OXR1: variants seen among roughly 807,000 people sequenced by gnomAD.
The protein encoded by OXR1 is oxidation resistance 1, also known as oxidation resistance protein 1.
A neutral mutation model predicts 104.6 loss-of-function variants in OXR1; 41 were observed. The observed-to-expected ratio is 0.39, with a 90% CI of 0.31 to 0.51. OXR1 has a LOEUF of 0.51. OXR1 is among the 20% of genes least tolerant of loss of function. The pLI, the probability that OXR1 is intolerant of heterozygous loss-of-function variation, is 0.77. For synonymous variants in OXR1, 348 were observed against 348.4 expected (o/e 1.00, Z 0.01); for missense variants, 955 against 1,031.9 (o/e 0.93, Z 1.02).
chr8:106,715,301 G>A (rs1832124063), intron 11 of OXR1, among the ~76,000 whole-genome samples: 1 of 151,570 alleles, frequency 6.6e-6, no homozygotes, highest in Admixed American at 6.6e-5. Context: ...GGCTGTGACA[G>A]GGTGGCTCAG....
chr8:106,645,415 T>A (rs1823995673), intron 3 of OXR1, among the ~76,000 whole-genome samples: 1 of 152,184 alleles, frequency 6.6e-6, no homozygotes, highest in African/African-American at 2.4e-5. Flanking sequence ...CCTGCTTCTC[T>A]CTTGAGAGGC....
At chr8:106,629,189 A>T (rs543285582) in intron 3 of OXR1, among the ~76,000 whole-genome samples, 2 of 152,192 alleles carry the variant, frequency 1.3e-5, no homozygotes, top group Admixed American at 6.5e-5. Flanking sequence ...TAACATTTAA[A>T]TTTTTTTAAA....
intron 3 of OXR1, among the ~76,000 whole-genome samples, chr8:106,622,182 C>G (rs1821758866): frequency 6.6e-6 from 1 of 152,142 alleles, no homozygotes; most frequent in Admixed American, 6.5e-5. Flanking sequence ...CCTGTTGGCT[C>G]TCTTCTCAGA....
At chr8:106,387,725 G>A (rs1817433596) in intron 2 of OXR1, among the ~76,000 whole-genome samples, 1 of 152,084 alleles carries the variant, frequency 6.6e-6, no homozygotes, top group Non-Finnish European at 1.5e-5. Context: ...GATCATTGGA[G>A]GACACATGGT....
chr8:106,571,485 C>T (rs1337581187), intron 3 of OXR1, among the ~76,000 whole-genome samples: 40 of 152,232 alleles, frequency 2.6e-4, no homozygotes, highest in African/African-American at 9.6e-4. Flanking sequence ...GCCCTGGGAG[C>T]TAGGGCTTCA....
intron 2 of OXR1, among the ~76,000 whole-genome samples, chr8:106,363,225 T>G (rs1395808852): frequency 1.3e-5 from 2 of 152,202 alleles, no homozygotes; most frequent in African/African-American, 4.8e-5. Flanking sequence ...GACTGCTCTT[T>G]TTGGAGCTCA....
At chr8:106,440,448 T>G (rs975168720) in intron 2 of OXR1, among the ~76,000 whole-genome samples, 4 of 152,144 alleles carry the variant, frequency 2.6e-5, no homozygotes, top group African/African-American at 4.8e-5. Flanking sequence ...ATATGGTATA[T>G]TATTACATGG....
chr8:106,479,907 A>G (rs1034843090), intron 2 of OXR1, among the ~76,000 whole-genome samples: 1 of 152,048 alleles, frequency 6.6e-6, no homozygotes, highest in African/African-American at 2.4e-5. Flanking sequence ...GAAAGACTTT[A>G]CTGGAATGTA....
chr8:106,494,053 A>G (rs1216897641), intron 2 of OXR1, among the ~76,000 whole-genome samples: 1 of 152,200 alleles, frequency 6.6e-6, no homozygotes, highest in East Asian at 1.9e-4. Context: ...GAAAGAGTTT[A>G]AATCTCTGAA....
At chr8:106,720,744 G>GT in intron 11 of OXR1, 1 of 948,962 alleles carries the variant, frequency 1.1e-6, no homozygotes, top group Non-Finnish European at 1.3e-6. Context: ...ATACCAGGCT[G>GT]TAAGTCAATG....
chr8:106,343,664 C>T (rs1304796657), intron 1 of OXR1, among the ~76,000 whole-genome samples: 1 of 152,192 alleles, frequency 6.6e-6, no homozygotes, highest in Non-Finnish European at 1.5e-5. Context: ...GTTGATTGGC[C>T]TGTATCCAAG....
At chr8:106,429,514 G>A (rs1819272391) in intron 2 of OXR1, among the ~76,000 whole-genome samples, 1 of 151,954 alleles carries the variant, frequency 6.6e-6, no homozygotes, top group African/African-American at 2.4e-5. Flanking sequence ...ACAAAAATTA[G>A]CCAGGCATGG....
At chr8:106,292,071 G>T (rs1231598613) in intron 1 of OXR1, among the ~76,000 whole-genome samples, 1 of 152,022 alleles carries the variant, frequency 6.6e-6, no homozygotes, top group African/African-American at 2.4e-5. Flanking sequence ...GCCCAACTGG[G>T]GTGTGAATCA....
At position 106,526,575 on chromosome 8, in the gene OXR1, C is replaced by T. The variant is rs369643834; in HGVS notation, c.220+7436C>T. Among the ~76,000 whole-genome samples the T allele has an allele frequency of 3.9e-5, 6 of 152,350 alleles. No individual in the cohort carries two copies. In the South Asian group the frequency reaches 1.2e-3, roughly 32 times the overall value. On this transcript the variant is annotated intron_variant, in intron 3 of 16. Coordinates refer to ENST00000517566, the MANE Select transcript of OXR1 (RefSeq NM_001198533.2). ...GTTTGTTTTTTGAGACGGAGTCTCG[C>T]TCTGTCGCCCAGGCTGGAGTGCAGT...
At chr8:106,424,038 G>A (rs572994580) in intron 2 of OXR1, among the ~76,000 whole-genome samples, 169 of 152,220 alleles carry the variant, frequency 1.1e-3, no homozygotes, top group Middle Eastern at 6.8e-3. Context: ...CCGAGTTCAC[G>A]TGATTCTTCT....
intron 3 of OXR1, among the ~76,000 whole-genome samples, chr8:106,558,284 A>T (rs1389663020): frequency 6.6e-6 from 1 of 152,234 alleles, no homozygotes; most frequent in African/African-American, 2.4e-5. Flanking sequence ...CCCAAAAGCC[A>T]GCAGCTTAAA....
At chr8:106,430,665 C>T (rs1819326480) in intron 2 of OXR1, among the ~76,000 whole-genome samples, 1 of 152,136 alleles carries the variant, frequency 6.6e-6, no homozygotes, top group Admixed American at 6.6e-5. Context: ...CTTCCAGTTG[C>T]TGGAGAAAAT....
At chr8:106,452,214 T>C (rs1820354271) in intron 2 of OXR1, among the ~76,000 whole-genome samples, 1 of 152,162 alleles carries the variant, frequency 6.6e-6, no homozygotes, top group Admixed American at 6.5e-5. Context: ...ACTCCACAAA[T>C]ATCCAGAAGA....
At chr8:106,409,220 C>A (rs1319732414) in intron 2 of OXR1, among the ~76,000 whole-genome samples, 1 of 152,070 alleles carries the variant, frequency 6.6e-6, no homozygotes, top group Non-Finnish European at 1.5e-5. Flanking sequence ...CCATTAGCTT[C>A]TCGGAAGAAA....
Sources: allele counts gnomAD v4.1 joint callset (sites outside exome capture counted in the v4.1 genomes callset), GRCh38; gene constraint gnomAD v4.1.1; transcripts MANE v1.5; gene names NCBI Gene and HGNC (gene_info 2026-07-23, HGNC 2026-07-21).